Variants in COG5 observed in about 807,000 individuals in gnomAD.
COG5 encodes conserved oligomeric Golgi complex subunit 5.
In COG5, 86 loss-of-function variants were observed where a neutral mutation model predicts 110.4. That is an observed-to-expected ratio of 0.78 (90% CI 0.65 to 0.93). COG5 has a LOEUF of 0.93. Ranked by LOEUF, COG5 falls within the 40% of genes least tolerant of loss-of-function variation. COG5 has a pLI of 0.00. For synonymous variants in COG5, 360 were observed against 334.6 expected (o/e 1.08, Z -0.83); for missense variants, 1,077 against 987.0 (o/e 1.09, Z -1.22).
chr7:107,253,930 T>A (rs968215075), intron 16 of COG5, among the ~76,000 whole-genome samples: 6 of 152,148 alleles, frequency 3.9e-5, no homozygotes, highest in African/African-American at 1.2e-4. Flanking sequence ...AGCACTTTCC[T>A]TCCATCCCCA....
At chr7:107,311,688 C>A (rs865806397) in intron 11 of COG5, among the ~76,000 whole-genome samples, 2 of 151,990 alleles carry the variant, frequency 1.3e-5, no homozygotes, top group African/African-American at 4.8e-5. Context: ...CCACCGCGCC[C>A]GGCCACATTT....
chr7:107,384,911 G>A (rs117460416), intron 7 of COG5, among the ~76,000 whole-genome samples: 3 of 152,138 alleles, frequency 2.0e-5, no homozygotes, highest in African/African-American at 7.2e-5. Flanking sequence ...GCTAATATAC[G>A]TCTTTATATG....
intron 6 of COG5, among the ~76,000 whole-genome samples, chr7:107,503,755 C>T: frequency 6.6e-6 from 1 of 151,938 alleles, no homozygotes; most frequent in East Asian, 1.9e-4. Context: ...ATCTTTTTTG[C>T]AGATGCAAAA....
chr7:107,508,502 G>T (rs1799215592), intron 6 of COG5, among the ~76,000 whole-genome samples: 2 of 152,188 alleles, frequency 1.3e-5, no homozygotes, highest in South Asian at 2.1e-4. Context: ...CAGACTTAAA[G>T]GTCCCTGTCT....
At chr7:107,490,277 A>G (rs989484397) in intron 6 of COG5, among the ~76,000 whole-genome samples, 1 of 151,956 alleles carries the variant, frequency 6.6e-6, no homozygotes. Context: ...AGAGCCTCCC[A>G]CCTTAGCCTC....
At chr7:107,524,387 T>C (rs942147184) in intron 6 of COG5, among the ~76,000 whole-genome samples, 7 of 152,192 alleles carry the variant, frequency 4.6e-5, no homozygotes, top group African/African-American at 1.4e-4. Context: ...GTTTGAAACA[T>C]TGCTTTTAAG....
At chr7:107,235,494 G>T (rs1232728138) in intron 18 of COG5, among the ~76,000 whole-genome samples, 1 of 152,208 alleles carries the variant, frequency 6.6e-6, no homozygotes, top group Non-Finnish European at 1.5e-5. Context: ...CACAAGGTCA[G>T]GAGTTTGAGA....
At chr7:107,303,158 C>T (rs942374278) in intron 11 of COG5, among the ~76,000 whole-genome samples, 5 of 151,828 alleles carry the variant, frequency 3.3e-5, no homozygotes, top group Non-Finnish European at 7.4e-5. Flanking sequence ...TCAAATGATC[C>T]TCCCACCTCG....
chr7:107,330,417 T>C (rs1252450109), intron 10 of COG5, among the ~76,000 whole-genome samples: 3 of 152,248 alleles, frequency 2.0e-5, no homozygotes, highest in Admixed American at 2.0e-4. Context: ...GGCTTGGCCT[T>C]TGCTTTAGCC....
At chr7:107,487,894 A>T (rs1262451675) in intron 6 of COG5, among the ~76,000 whole-genome samples, 1 of 152,168 alleles carries the variant, frequency 6.6e-6, no homozygotes, top group Non-Finnish European at 1.5e-5. Flanking sequence ...TAATAAACAC[A>T]GTAATGCATA....
At chr7:107,287,453 G>A (rs928256793) in intron 12 of COG5, among the ~76,000 whole-genome samples, 1 of 152,120 alleles carries the variant, frequency 6.6e-6, no homozygotes, top group East Asian at 1.9e-4. Flanking sequence ...GTGACTCCAT[G>A]TCGAATCTGA....
intron 5 of COG5, among the ~76,000 whole-genome samples, chr7:107,540,272 A>T (rs1801878470): frequency 6.6e-6 from 1 of 152,150 alleles, no homozygotes; most frequent in Non-Finnish European, 1.5e-5. Flanking sequence ...ACTAACAAAG[A>T]TTTAAAACTA....
intron 6 of COG5, among the ~76,000 whole-genome samples, chr7:107,457,631 A>T (rs946217394): frequency 6.6e-6 from 1 of 151,970 alleles, no homozygotes; most frequent in African/African-American, 2.4e-5. Flanking sequence ...GGGTTTCACC[A>T]TGTTAGCCAG....
At chr7:107,295,134 A>C (rs13231831) in intron 12 of COG5, among the ~76,000 whole-genome samples, 2 of 103,270 alleles carry the variant, frequency 1.9e-5, no homozygotes, top group Admixed American at 1.4e-4. Flanking sequence ...TCAGGATTTC[A>C]CCATGTTGGC....
chr7:107,399,643 C>T (rs1411293067), intron 7 of COG5, among the ~76,000 whole-genome samples: 1 of 152,102 alleles, frequency 6.6e-6, no homozygotes, highest in African/African-American at 2.4e-5. Context: ...ATTACCCAGT[C>T]GTGGGTACGT....
chr7:107,411,953 G>C (rs1792332376), intron 7 of COG5, among the ~76,000 whole-genome samples: 1 of 152,022 alleles, frequency 6.6e-6, no homozygotes, highest in Admixed American at 6.5e-5. Context: ...TTCCAATTCA[G>C]AAAATTAAGC....
chr7:107,410,444 A>G (rs1010771973), intron 7 of COG5, among the ~76,000 whole-genome samples: 1 of 151,960 alleles, frequency 6.6e-6, no homozygotes, highest in African/African-American at 2.4e-5. Flanking sequence ...TGATGGGTTC[A>G]TTTTGTTTTG....
chr7:107,418,109 G>A (rs1353899376), intron 6 of COG5, among the ~76,000 whole-genome samples: 3 of 151,820 alleles, frequency 2.0e-5, no homozygotes, highest in Non-Finnish European at 2.9e-5. Flanking sequence ...ATATAAAATT[G>A]TGGTTTATAG....
chr7:107,459,223 C>A (rs1795845044), intron 6 of COG5, among the ~76,000 whole-genome samples: 1 of 151,794 alleles, frequency 6.6e-6, no homozygotes, highest in African/African-American at 2.4e-5. Flanking sequence ...CAAAAATAAA[C>A]AAGTTAAGTT....
Sources: gnomAD v4.1 joint callset for allele counts (sites outside exome capture counted in the v4.1 genomes callset) on GRCh38, gnomAD v4.1.1 for gene constraint, MANE v1.5 for transcripts, NCBI Gene and HGNC (gene_info 2026-07-23, HGNC 2026-07-21) for gene names.